MAGEC3: variants seen among roughly 807,000 people sequenced by gnomAD.
MAGEC3 encodes the protein MAGE family member C3, also known as melanoma-associated antigen C3.
A neutral mutation model predicts 35.3 loss-of-function variants in MAGEC3; 34 were observed. The observed-to-expected ratio is 0.96, with a 90% CI of 0.73 to 1.28. The LOEUF (loss-of-function observed/expected upper bound fraction) is 1.28. Ranked by LOEUF, MAGEC3 falls within the 50% of genes most tolerant of loss-of-function variation. MAGEC3 has a pLI of 0.00. For synonymous variants in MAGEC3, 202 were observed against 185.6 expected (o/e 1.09, Z -0.72); for missense variants, 561 against 483.6 (o/e 1.16, Z -1.50).
chrX:141,896,958 C>A lies in MAGEC3; in HGVS notation c.1200C>A (p.Pro400=). The A allele has an allele frequency of 8.4e-7, 1 of 1,192,546 alleles. No individual in the cohort carries two copies. ...CTGAGATTCCTCCCCAGGGTCCTCCCAAGATCTCTCCCCAGGGTCCTCCGC... is the reference window on the plus strand; with the variant it reads ...CTGAGATTCCTCCCCAGGGTCCTCCAAAGATCTCTCCCCAGGGTCCTCCGC... ...SPPEIPPQGP[P]KISPQGPPQS... is the part of the protein sequence containing the mutation. The change falls in exon 7 of 8, where the codon CCC becomes CCA. Residue 400 remains proline, a synonymous_variant. Transcript: ENST00000298296.
chrX:141,894,133 G>A (rs1356485987), intron 4 of MAGEC3, among the ~76,000 whole-genome samples: 2 of 111,720 alleles, frequency 1.8e-5, no homozygotes, highest in Non-Finnish European at 3.8e-5. Flanking sequence ...GAGCATAGTT[G>A]CTAGAGTCTT....
intron 4 of MAGEC3, among the ~76,000 whole-genome samples, chrX:141,891,019 A>G (rs1375835298): frequency 8.9e-6 from 1 of 112,043 alleles, no homozygotes; most frequent in Non-Finnish European, 1.9e-5. Context: ...AAATGTATTT[A>G]TTCACATTTC....
chrX:141,881,612 C>T lies in MAGEC3; in HGVS notation c.725C>T (p.Thr242Ile). ...FIEILFGISL[T>I]EVDPDHFYVF... ...GAGATTCTTTTTGGCATTTCCCTGA[C>T]AGAAGTGGACCCCGACCATTTCTAT... Residue 242 changes from threonine (T) to isoleucine (I), a missense_variant, in exon 4 of 8, where the codon ACA (threonine) becomes ATA (isoleucine). By Grantham distance (89) the Thr-to-Ile change is moderately conservative. Transcript: ENST00000298296. 8.3e-7 allele frequency: 1 copy of T among 1,211,325 alleles called. No homozygotes were observed. The highest frequency in any genetic ancestry group is 1.1e-6 in the Non-Finnish European group (1 of 895,271).
chrX:141,839,518 C>T, intron 1 of MAGEC3: 1 of 754,010 alleles, frequency 1.3e-6, no homozygotes, highest in Non-Finnish European at 1.6e-6. Flanking sequence ...ATTGTCTTGG[C>T]TGCCGGCTCT....
intron 1 of MAGEC3, among the ~76,000 whole-genome samples, chrX:141,847,003 C>A (rs1472640815): frequency 9.0e-6 from 1 of 110,995 alleles, no homozygotes; most frequent in Admixed American, 9.6e-5. Flanking sequence ...AAAGCAATTA[C>A]CCCAGTGCAT....
intron 4 of MAGEC3, among the ~76,000 whole-genome samples, chrX:141,893,258 G>A (rs2018056290): frequency 9.0e-6 from 1 of 111,686 alleles, no homozygotes; most frequent in Non-Finnish European, 1.9e-5. Context: ...AGACCTGGAG[G>A]AATCATAAAA....
At position 141,879,194 on chromosome X, in the gene MAGEC3, G is replaced by A. The variant is rs1026062202; in HGVS notation, c.278G>A (p.Gly93Glu). 3.4e-6 allele frequency: 4 copies of A among 1,190,302 alleles called. No homozygotes were observed. The African/African-American group carries it at 5.3e-5, about 16-fold the overall frequency. The change falls in exon 3 of 8, where the codon GGG (glycine) becomes GAG (glutamate). Residue 93 changes from glycine to glutamate, a missense_variant. By Grantham distance (98) the Gly-to-Glu change is moderately conservative (BLOSUM62 -2). Coordinates refer to ENST00000298296, the MANE Select transcript of MAGEC3 (RefSeq NM_138702.1). ...TYFKLWRTLSGSPGLQLSDLH... is the reference protein window; with the variant it reads ...TYFKLWRTLSESPGLQLSDLH... ...TGCCAGCTCTGGAGGACCCTATCAG[G>A]GTCCCCAGGTTTACAACTTTCTGAC...
intron 6 of MAGEC3, chrX:141,896,626 A>G: frequency 8.3e-7 from 1 of 1,198,858 alleles, no homozygotes; most frequent in Non-Finnish European, 1.1e-6. Context: ...TCACACGTTT[A>G]CCTGCTGCTC....
chrX:141,897,660 A>C lies in MAGEC3; in HGVS notation c.1760A>C (p.Glu587Ala). The C allele has an allele frequency of 2.5e-6, 3 of 1,210,663 alleles. No homozygotes were observed. Among genetic ancestry groups the C allele is most frequent in the Non-Finnish European group, 3.4e-6 (3 of 895,155 alleles). Reference sequence around the variant, plus strand: ...CAGAGGCCAGCAAGAGAAGTCTTAGAGTTTTTATCCAAGCTATCCAGTATC... The same window carrying C: ...CAGAGGCCAGCAAGAGAAGTCTTAGCGTTTTTATCCAAGCTATCCAGTATC... ...PIQRPAREVL[E>A]FLSKLSSIIP... The change falls in exon 8 of 8, where the codon GAG becomes GCG. Residue 587 changes from glutamate to alanine, a missense_variant. Coordinates refer to ENST00000298296, the MANE Select transcript of MAGEC3 (RefSeq NM_138702.1).
chrX:141,878,470 A>C (rs750998202), intron 2 of MAGEC3, among the ~76,000 whole-genome samples: 1 of 112,618 alleles, frequency 8.9e-6, no homozygotes, highest in South Asian at 3.6e-4. Flanking sequence ...CCTGCCCACA[A>C]AGAGAAGGAT....
intron 1 of MAGEC3, among the ~76,000 whole-genome samples, chrX:141,863,038 C>A (rs890349209): frequency 9.0e-6 from 1 of 111,508 alleles, no homozygotes; most frequent in Admixed American, 9.5e-5. Context: ...TACATGTAAC[C>A]AGATTTCACA....
intron 3 of MAGEC3, 117 bp downstream of exon 3, chrX:141,879,548 G>A: frequency 3.3e-6 from 3 of 915,334 alleles, no homozygotes; most frequent in Non-Finnish European, 4.4e-6. Context: ...AGGGGTGGAG[G>A]GGGCCCAGGA....
At position 141,867,991 on chromosome X, in the gene MAGEC3, T is replaced by C. The variant is rs760706803; in HGVS notation, c.258+2386T>C. On this transcript the variant is annotated intron_variant, in intron 2 of 7. Coordinates refer to ENST00000298296, the MANE Select transcript of MAGEC3 (RefSeq NM_138702.1). Reference sequence around the variant, plus strand: ...CAAAAAAATTAGCCAGGAGTGGTGGTGGGCGCCTGTAGTCCCAGCTACTTG... The same window carrying C: ...CAAAAAAATTAGCCAGGAGTGGTGGCGGGCGCCTGTAGTCCCAGCTACTTG... Among the ~76,000 whole-genome samples, 750 of 109,591 alleles carry C rather than the reference T, an allele frequency of 6.8e-3. 5 individuals are homozygous for C. The highest frequency in any genetic ancestry group is 0.011 in the Non-Finnish European group (599 of 52,542).
chrX:141,851,804 A>G (rs2124088286), intron 1 of MAGEC3, among the ~76,000 whole-genome samples: 1 of 111,596 alleles, frequency 9.0e-6, no homozygotes, highest in Admixed American at 9.5e-5. Flanking sequence ...CTGTATGTCT[A>G]TACTTGTGTC....
At chrX:141,894,606 A>G (rs2018069416) in intron 4 of MAGEC3, 1 of 946,472 alleles carries the variant, frequency 1.1e-6, no homozygotes, top group Non-Finnish European at 1.4e-6. Context: ...TAAAACCTTG[A>G]GGAAGACTGA....
chrX:141,879,859 T>C (rs1019965341), intron 3 of MAGEC3, among the ~76,000 whole-genome samples: 1 of 110,457 alleles, frequency 9.1e-6, no homozygotes, highest in African/African-American at 3.3e-5. Context: ...AGGAAGAGGG[T>C]AACCGAGGGC....
intron 1 of MAGEC3, 27 bp downstream of exon 1, chrX:141,838,465 C>G (rs1432649670): frequency 8.4e-7 from 1 of 1,193,468 alleles, no homozygotes; most frequent in East Asian, 3.0e-5. Flanking sequence ...ATGCTCATGT[C>G]TAAGCCCCAG....
chrX:141,865,263 T>C (rs1175928162), intron 1 of MAGEC3, among the ~76,000 whole-genome samples: 2 of 111,754 alleles, frequency 1.8e-5, no homozygotes, highest in Non-Finnish European at 3.8e-5. Context: ...ATTTTGGTTT[T>C]ATTTTTGAGG....
chrX:141,847,201 T>C (rs1208411298), intron 1 of MAGEC3, among the ~76,000 whole-genome samples: 1 of 111,062 alleles, frequency 9.0e-6, no homozygotes, highest in Non-Finnish European at 1.9e-5. Context: ...TTTCTGAGGC[T>C]GTTGCATGAG....
Sources: allele counts gnomAD v4.1 joint callset (sites outside exome capture counted in the v4.1 genomes callset), GRCh38; gene constraint gnomAD v4.1.1; transcripts MANE v1.5; gene names NCBI Gene and HGNC (gene_info 2026-07-23, HGNC 2026-07-21).